The following TICRR variants were observed in gnomAD, a reference collection of about 807,000 sequenced individuals.
The protein encoded by TICRR is TOPBP1 interacting checkpoint and replication regulator, also known as treslin.
TICRR carries 132 observed loss-of-function variants against 178.1 expected under a neutral mutation model. That is an observed-to-expected ratio of 0.74 (90% confidence interval 0.64 to 0.86). The LOEUF (loss-of-function observed/expected upper bound fraction) is 0.86, where lower values mean the gene tolerates loss of function less well. TICRR is among the 40% of genes least tolerant of loss of function. The probability of loss-of-function intolerance (pLI) is 0.00; values close to 1 mark genes in which losing one functional copy is unlikely to be tolerated. For missense variants in TICRR, 2,587 were observed against 2,334.3 expected, an observed-to-expected ratio of 1.11 and a Z score of -2.23; for synonymous variants, 991 against 900.7, an observed-to-expected ratio of 1.10 and a Z score of -1.79.
rs115500294 is a variant in TICRR, at chr15:89,575,547, C to T, written c.-40C>T. On this transcript the variant is annotated 5_prime_UTR_variant, in exon 1 of 22. Coordinates refer to ENST00000268138, the MANE Select transcript of TICRR (RefSeq NM_152259.4). Reference sequence around the variant, plus strand: ...AGGAAGGGACTAAGGGACGGTGGCGCGGGCCCGGACCGGGGCCCCGGGGCG... The same window carrying T: ...AGGAAGGGACTAAGGGACGGTGGCGTGGGCCCGGACCGGGGCCCCGGGGCG... 1.4e-6 allele frequency: 2 copies of T among 1,442,354 alleles called. No individual in the cohort carries two copies. The highest frequency in any genetic ancestry group is 1.8e-6 in the Non-Finnish European group (2 of 1,105,280). 89.3% of individuals were successfully genotyped at this position (1,442,354 alleles called of 1,614,324 possible).
intron 12 of TICRR, 149 bp downstream of exon 12, chr15:89,602,125 A>T: frequency 1.2e-6 from 1 of 850,028 alleles, no homozygotes; most frequent in Non-Finnish European, 1.8e-6. Context: ...CAACTATTAG[A>T]GCTCCTAATA....
chr15:89,575,721 G>A lies in TICRR; in HGVS notation c.135G>A (p.Trp45Ter). 6.2e-7 allele frequency: 1 copy of A among 1,609,750 alleles called. No individual in the cohort carries two copies. The highest frequency in any genetic ancestry group is 1.1e-5 in the South Asian group (1 of 90,560). ...GATTCGGCCTGGCCAGGGTCCACTG[G>A]GCCTTCAAGTTCTTTGACTCGCAGG... ...SCRFGLARVH[W>*]AFKFFDSQGA... Residue 45 changes from tryptophan (W) to a stop codon, truncating the protein, a stop_gained, in exon 1 of 22, where the codon TGG becomes TGA. Coordinates refer to ENST00000268138, the MANE Select transcript of TICRR (RefSeq NM_152259.4). LOFTEE classifies it high-confidence loss of function.
At chr15:89,589,420 C>G (rs1962874267) in intron 4 of TICRR, among the ~76,000 whole-genome samples, 1 of 152,164 alleles carries the variant, frequency 6.6e-6, no homozygotes, top group Non-Finnish European at 1.5e-5. Flanking sequence ...CCCTCCAAAG[C>G]CCTGCCCAGG....
chr15:89,575,829 G>C lies in TICRR; in HGVS notation c.243G>C (p.Glu81Asp). 1 of 1,595,676 alleles carries C rather than the reference G, an allele frequency of 6.3e-7. No homozygotes were observed. Among genetic ancestry groups the C allele is most frequent in the Non-Finnish European group, 8.5e-7 (1 of 1,173,064 alleles). ...GGGAGGACTTTGAGGAGGAGCTGGA[G>C]GCCAGGCTCGAGGATCGCGCCCACC... ...RSWEDFEEEL[E>D]ARLEDRAHLP... Residue 81 changes from glutamate to aspartate, a missense_variant, in exon 1 of 22, where the codon GAG becomes GAC. Physicochemically the swap from Glu to Asp is conservative, Grantham distance 45. Coordinates refer to ENST00000268138, the MANE Select transcript of TICRR (RefSeq NM_152259.4).
intron 1 of TICRR, chr15:89,582,254 G>A (rs1962739425): frequency 6.6e-6 from 1 of 152,164 alleles, no homozygotes; most frequent in South Asian, 2.0e-4. Flanking sequence ...AACCTGAGAG[G>A]TGGAGGTTCC....
intron 17 of TICRR, 81 bp from the exon 18 acceptor site, chr15:89,619,626 AT>A: frequency 1.3e-6 from 2 of 1,493,414 alleles, no homozygotes; most frequent in Non-Finnish European, 1.8e-6. Flanking sequence ...TACTATGTAA[AT>A]TTTGCCCGGT....
intron 2 of TICRR, 126 bp downstream of exon 2, chr15:89,583,091 A>C (rs1233888106): frequency 1.8e-6 from 2 of 1,095,074 alleles, no homozygotes; most frequent in Non-Finnish European, 2.5e-6. Flanking sequence ...TTGTCATGAA[A>C]GAATTAAAAG....
At chr15:89,595,289 G>T in intron 6 of TICRR, 104 bp from the exon 7 acceptor site, 1 of 793,508 alleles carries the variant, frequency 1.3e-6, no homozygotes, top group South Asian at 1.7e-5. Context: ...GGAGGGATAT[G>T]CTTCATTTTG....
rs1410440326 is a variant in TICRR, at chr15:89,602,848, C to T, written c.2620C>T (p.Arg874Ter). 5.3e-6 allele frequency: 8 copies of T among 1,523,768 alleles called. No individual in the cohort carries two copies. The highest frequency in any genetic ancestry group is 5.0e-5 in the East Asian group (2 of 40,366). The allele number at this position is 1,523,768 out of a possible 1,614,324, so 94.4% of individuals were successfully genotyped here. ...KSIAEVSQNL[R>*]QIEIPKVSKR... is the part of the protein sequence containing the mutation. ...CATTGCTGAGGTTTCACAGAATCTTCGACAAATTGAAATTCCTAAAGTGTC... is the reference window on the plus strand; with the variant it reads ...CATTGCTGAGGTTTCACAGAATCTTTGACAAATTGAAATTCCTAAAGTGTC... The change falls in exon 13 of 22, where the codon CGA becomes TGA. Residue 874 changes from arginine to a stop codon, truncating the protein, a stop_gained. Coordinates refer to ENST00000268138, the MANE Select transcript of TICRR (RefSeq NM_152259.4). LOFTEE classifies it high-confidence loss of function.
rs1449016513 is a variant in TICRR, at chr15:89,625,137, G to A, written c.4827G>A (p.Arg1609=). Residue 1609 remains arginine, a synonymous_variant, in exon 20 of 22, where the codon AGG becomes AGA. Coordinates refer to ENST00000268138, the MANE Select transcript of TICRR (RefSeq NM_152259.4). ...TCCTCCCTGCTCTCAGCATGCCCAG[G>A]GCCAGCAGGTCCTTAAGCAAACCTG... The part of the protein sequence containing the change: ...ESFLPALSMP[R]ASRSLSKPEP... 1.2e-5 allele frequency: 19 copies of A among 1,613,740 alleles called. No individual in the cohort carries two copies. The highest frequency in any genetic ancestry group is 1.5e-5 in the Non-Finnish European group (18 of 1,179,984).
rs564176936 is a variant in TICRR, at chr15:89,595,545, C to G, written c.1834C>G (p.Pro612Ala). Residue 612 changes from proline (P) to alanine (A), a missense_variant, in exon 7 of 22, where the codon CCT becomes GCT. Coordinates refer to ENST00000268138, the MANE Select transcript of TICRR (RefSeq NM_152259.4). ...VAGEKGIQKI[P>A]SGRTVDKLED... Reference sequence around the variant, plus strand: ...TGGGGAGAAAGGAATCCAAAAGATACCTAGTGGGAGAACAGTGGATAAATT... The same window carrying G: ...TGGGGAGAAAGGAATCCAAAAGATAGCTAGTGGGAGAACAGTGGATAAATT... The G allele has an allele frequency of 1.3e-5, 21 of 1,614,068 alleles. No individual in the cohort carries two copies. In the East Asian group the frequency reaches 1.6e-4, roughly 12 times the overall value.
At chr15:89,598,249 A>G (rs12913766) in intron 7 of TICRR, among the ~76,000 whole-genome samples, 125,356 of 151,880 alleles carry the variant, frequency 0.83, 52,518 homozygotes, top group Non-Finnish European at 0.92. Context: ...CTGGGATTAC[A>G]GGCGTGAGCC....
intron 15 of TICRR, among the ~76,000 whole-genome samples, chr15:89,609,495 G>A (rs1963225517): frequency 6.6e-6 from 1 of 151,512 alleles, no homozygotes; most frequent in Admixed American, 6.6e-5. Flanking sequence ...TTTTGAGTCA[G>A]AGTCTCACTC....
At position 89,584,303 on chromosome 15, in the gene TICRR, G is replaced by C. The variant is rs1962780929; in HGVS notation, c.952G>C (p.Glu318Gln). ...LPVEAGKEIQETWTVTLEPLA... is the reference protein window; with the variant it reads ...LPVEAGKEIQQTWTVTLEPLA... ...ATTTCTAGCAGGCAAAGAGATTCAA[G>C]AAACATGGACAGTCACCCTAGAGCC... The change falls in exon 3 of 22, where the codon GAA becomes CAA. Residue 318 changes from glutamate (E) to glutamine (Q), a missense_variant. Transcript: ENST00000268138. The C allele has an allele frequency of 6.2e-7, 1 of 1,604,906 alleles. No homozygotes were observed. The highest frequency in any genetic ancestry group is 1.7e-5 in the Admixed American group (1 of 58,464).
chr15:89,626,215 A>G (rs373712052), intron 21 of TICRR, among the ~76,000 whole-genome samples, 154 bp downstream of exon 21: 14 of 152,314 alleles, frequency 9.2e-5, no homozygotes, highest in African/African-American at 3.4e-4. Context: ...CCCTTCCCAG[A>G]GAAACTCCAC....
intron 5 of TICRR, among the ~76,000 whole-genome samples, chr15:89,593,006 A>G (rs967324097): frequency 1.3e-5 from 2 of 152,262 alleles, no homozygotes; most frequent in African/African-American, 2.4e-5. Flanking sequence ...TAGCAATACC[A>G]TATACTGTAG....
At chr15:89,590,313 A>G (rs1420356145) in intron 4 of TICRR, among the ~76,000 whole-genome samples, 1 of 152,220 alleles carries the variant, frequency 6.6e-6, no homozygotes, top group East Asian at 1.9e-4. Context: ...TTAGCACATT[A>G]GGAATGATCA....
Position 89,599,333 on chromosome 15 carries a change from C to T in TICRR, c.1910C>T (p.Thr637Ile). The T allele has an allele frequency of 1.3e-6, 2 of 1,598,230 alleles. No individual in the cohort carries two copies. The highest frequency in any genetic ancestry group is 1.7e-6 in the Non-Finnish European group (2 of 1,175,156). ...LRSSKPKDFK[T>I]EEELLSYIRE... is the part of the protein sequence containing the mutation. ...TTTATTTTTTTCTCAGATTTTAAAA[C>T]TGAGGAAGAGCTGCTATCATATATA... The change falls in exon 8 of 22, where the codon ACT (threonine) becomes ATT (isoleucine). Residue 637 changes from threonine to isoleucine, a missense_variant. Transcript: ENST00000268138.
chr15:89,609,110 T>C, intron 15 of TICRR, 161 bp downstream of exon 15: 3 of 482,812 alleles, frequency 6.2e-6, no homozygotes, highest in East Asian at 8.7e-5. Flanking sequence ...CTTTTTTTTT[T>C]TTTTTTTTTT....
Sources: gnomAD v4.1 joint callset for allele counts (sites outside exome capture counted in the v4.1 genomes callset) on GRCh38, gnomAD v4.1.1 for gene constraint, MANE v1.5 for transcripts, NCBI Gene and HGNC (gene_info 2026-07-23, HGNC 2026-07-21) for gene names.